Variants in MYO7A observed in about 807,000 individuals in gnomAD.
The protein encoded by MYO7A is unconventional myosin-VIIa.
A neutral mutation model predicts 263.8 loss-of-function variants in MYO7A; 210 were observed. The ratio of observed to expected loss-of-function variants is 0.80; its 90% CI spans 0.71 to 0.89. MYO7A has a LOEUF of 0.89. Among genes scored for constraint, MYO7A ranks in the 40% least tolerant of loss-of-function variants. MYO7A has a pLI of 0.00. For missense variants in MYO7A, 2,820 were observed against 2,968.3 expected, an observed-to-expected ratio of 0.95 and a Z score of 1.16; for synonymous variants, 1,239 against 1,197.3, an observed-to-expected ratio of 1.03 and a Z score of -0.72.
chr11:77,156,519 C>T, intron 5 of MYO7A, 141 bp from the exon 6 acceptor site: 1 of 1,236,286 alleles, frequency 8.1e-7, no homozygotes, highest in Non-Finnish European at 1.1e-6. Context: ...CCCTTGAGCC[C>T]TGCCCCAGCC....
chr11:77,161,015 A>G lies in MYO7A; in HGVS notation c.1243A>G (p.Asn415Asp). The G allele has an allele frequency of 6.2e-7, 1 of 1,613,084 alleles. No homozygotes were observed. Among genetic ancestry groups the G allele is most frequent in the Non-Finnish European group, 8.5e-7 (1 of 1,179,610 alleles). ...GTTCGTGTGGATTGTGGACAAGATCAACGCAGCAATTTACAAGCCTCCCTC... is the reference window on the plus strand; with the variant it reads ...GTTCGTGTGGATTGTGGACAAGATCGACGCAGCAATTTACAAGCCTCCCTC... ...RLFVWIVDKI[N>D]AAIYKPPSQD... The change falls in exon 12 of 49, where the codon AAC becomes GAC. Residue 415 changes from asparagine (N) to aspartate (D), a missense_variant. Coordinates refer to ENST00000409709, the MANE Select transcript of MYO7A (RefSeq NM_000260.4).
At chr11:77,179,583 C>T (rs778278268) in intron 20 of MYO7A, among the ~76,000 whole-genome samples, 152 bp from the exon 21 acceptor site, 9 of 152,288 alleles carry the variant, frequency 5.9e-5, no homozygotes, top group East Asian at 3.9e-4. Context: ...AACTTTCTAA[C>T]GATGGGGGGG....
chr11:77,173,555 G>T, intron 16 of MYO7A, among the ~76,000 whole-genome samples: 1 of 152,182 alleles, frequency 6.6e-6, no homozygotes, highest in East Asian at 1.9e-4. Context: ...GAGGTTAAGG[G>T]GCTCAGGCTG....
chr11:77,192,210 G>T lies in MYO7A; in HGVS notation c.4084G>T (p.Val1362Leu). 1 of 1,614,064 alleles carries T rather than the reference G, an allele frequency of 6.2e-7. No homozygotes were observed. The highest frequency in any genetic ancestry group is 8.5e-7 in the Non-Finnish European group (1 of 1,179,908). ...TPWHSPSEDN[V>L]ATNLIYQQVV... ...CTGGCACAGCCCCTCCGAGGACAAC[G>T]TGGCCACCAACCTCATCTACCAGCA... Residue 1362 changes from valine to leucine, a missense_variant, in exon 31 of 49, where the codon GTG (valine) becomes TTG (leucine). Physicochemically the swap from Val to Leu is conservative, Grantham distance 32 (BLOSUM62 1). Coordinates refer to ENST00000409709, the MANE Select transcript of MYO7A (RefSeq NM_000260.4).
intron 33 of MYO7A, 83 bp from the exon 34 acceptor site, chr11:77,198,412 C>T (rs934840051): frequency 9.3e-5 from 144 of 1,549,562 alleles, no homozygotes; most frequent in Middle Eastern, 3.9e-4. Context: ...AGTGTATTGC[C>T]ACCTGCCTGG....
chr11:77,144,196 G>T (rs1290088327), intron 3 of MYO7A, among the ~76,000 whole-genome samples: 2 of 152,174 alleles, frequency 1.3e-5, no homozygotes, highest in African/African-American at 2.4e-5. Flanking sequence ...TGGCCCTTGG[G>T]CCGTAGAACC....
chr11:77,199,564 G>T lies in MYO7A; in HGVS notation c.4598G>T (p.Cys1533Phe), dbSNP rs772023864. ...RECRVWLSLG[C>F]SDLGCAAPHS... Reference sequence around the variant, plus strand: ...TGCCGTGTCTGGCTCTCACTGGGCTGCTCTGATCTTGGCTGTGCTGCGCCT... The same window carrying T: ...TGCCGTGTCTGGCTCTCACTGGGCTTCTCTGATCTTGGCTGTGCTGCGCCT... The change falls in exon 35 of 49, where the codon TGC becomes TTC. Residue 1533 changes from cysteine (C) to phenylalanine (F), a missense_variant. By Grantham distance (205) the Cys-to-Phe change is radical (BLOSUM62 -2). Coordinates refer to ENST00000409709, the MANE Select transcript of MYO7A (RefSeq NM_000260.4). 6.5e-7 allele frequency: 1 copy of T among 1,537,052 alleles called. No homozygotes were observed. The highest frequency in any genetic ancestry group is 1.4e-5 in the African/African-American group (1 of 73,426).
intron 15 of MYO7A, among the ~76,000 whole-genome samples, chr11:77,170,669 T>A (rs1954006654): frequency 6.6e-6 from 1 of 151,926 alleles, no homozygotes; most frequent in East Asian, 1.9e-4. Context: ...CAGGTGTGGC[T>A]CTCGGCTGTC....
At chr11:77,158,055 C>A (rs1011813816) in intron 8 of MYO7A, among the ~76,000 whole-genome samples, 1 of 152,168 alleles carries the variant, frequency 6.6e-6, no homozygotes, top group African/African-American at 2.4e-5. Flanking sequence ...GGCACCAGCA[C>A]CCCCAGATGT....
chr11:77,179,044 G>A lies in MYO7A; in HGVS notation c.2283-1G>A, dbSNP rs397516295. ...CACCCGCGCCACTACTGCTGTTTCA[G>A]GTCTAACTTTCTGAAGCTGAAGAAC... On this transcript the variant is annotated splice_acceptor_variant, in intron 19 of 48. Transcript: ENST00000409709. LOFTEE classifies it high-confidence loss of function. The A allele has an allele frequency of 1.9e-6, 3 of 1,602,610 alleles. No homozygotes were observed. Among genetic ancestry groups the A allele is most frequent in the Non-Finnish European group, 2.6e-6 (3 of 1,175,264 alleles).
chr11:77,189,526 A>G, intron 28 of MYO7A, 56 bp downstream of exon 28: 1 of 1,605,374 alleles, frequency 6.2e-7, no homozygotes, highest in South Asian at 1.1e-5. Context: ...CTGTCCCAGC[A>G]CTGTGGGGAG....
At chr11:77,130,393 G>A (rs1014557625) in intron 1 of MYO7A, among the ~76,000 whole-genome samples, 196 bp from the exon 2 acceptor site, 22 of 152,202 alleles carry the variant, frequency 1.4e-4, no homozygotes, top group Admixed American at 1.4e-3. Flanking sequence ...CAGCTGCTCT[G>A]GGCAGTGGTG....
At chr11:77,159,901 A>G (rs1210457538) in intron 10 of MYO7A, among the ~76,000 whole-genome samples, 1 of 152,266 alleles carries the variant, frequency 6.6e-6, no homozygotes, top group Non-Finnish European at 1.5e-5. Context: ...GAATAAAGCC[A>G]GAGTCAGGGC....
At chr11:77,175,993 A>T (rs1954623285) in intron 18 of MYO7A, among the ~76,000 whole-genome samples, 2 of 152,178 alleles carry the variant, frequency 1.3e-5, no homozygotes, top group Admixed American at 1.3e-4. Context: ...GGAGTCGCGG[A>T]GTCACAGCCT....
intron 1 of MYO7A, among the ~76,000 whole-genome samples, chr11:77,130,145 C>T (rs1015021352): frequency 1.3e-5 from 2 of 152,228 alleles, no homozygotes; most frequent in Non-Finnish European, 2.9e-5. Flanking sequence ...TCATGCCCAG[C>T]CCTTGACCTT....
Position 77,155,931 on chromosome 11 carries a change from G to A in MYO7A, c.310G>A (p.Ala104Thr), listed in dbSNP as rs374967010. ...IYTYTGSILV[A>T]VNPYQLLSIY... ...GACGTATACGGGCTCCATCCTGGTG[G>A]CTGTGAACCCCTACCAGCTGCTCTC... The change falls in exon 5 of 49, where the codon GCT (alanine) becomes ACT (threonine). Residue 104 changes from alanine to threonine, a missense_variant. By Grantham distance (58) the Ala-to-Thr change is moderately conservative (BLOSUM62 0). Coordinates refer to ENST00000409709, the MANE Select transcript of MYO7A (RefSeq NM_000260.4). The A allele has an allele frequency of 5.6e-6, 9 of 1,608,694 alleles. No individual in the cohort carries two copies. In the East Asian group the frequency reaches 1.3e-4, roughly 24 times the overall value.
chr11:77,159,408 C>G, intron 9 of MYO7A, 39 bp from the exon 10 acceptor site: 1 of 1,058,128 alleles, frequency 9.5e-7, no homozygotes, highest in Non-Finnish European at 1.5e-6. Context: ...CTGTTGCCCA[C>G]CCTCCCTCCC....
In MYO7A at chr11:77,198,612, C is replaced by T; in HGVS notation, c.4559C>T (p.Ser1520Phe). 6.2e-7 allele frequency: 1 copy of T among 1,613,802 alleles called. No individual in the cohort carries two copies. Among genetic ancestry groups the T allele is most frequent in the South Asian group, 1.1e-5 (1 of 91,056 alleles). Residue 1520 changes from serine (S) to phenylalanine (F), a missense_variant, in exon 34 of 49, where the codon TCC becomes TTC. Physicochemically the swap from Ser to Phe is radical, Grantham distance 155 (BLOSUM62 -2). Coordinates refer to ENST00000409709, the MANE Select transcript of MYO7A (RefSeq NM_000260.4). ...ELSFPEIMAV[S>F]SSRECRVWLS... Reference sequence around the variant, plus strand: ...TCCTTCCCAGAGATCATGGCCGTGTCCAGCAGCAGGTGAGGAGGCCCGCAT... The same window carrying T: ...TCCTTCCCAGAGATCATGGCCGTGTTCAGCAGCAGGTGAGGAGGCCCGCAT...
intron 17 of MYO7A, 146 bp from the exon 18 acceptor site, chr11:77,175,226 C>CA: frequency 1.4e-6 from 1 of 740,032 alleles, no homozygotes; most frequent in Non-Finnish European, 2.2e-6. Flanking sequence ...AACTGGGGCT[C>CA]AGAGAAGGCA....
Sources: allele counts gnomAD v4.1 joint callset (sites outside exome capture counted in the v4.1 genomes callset), GRCh38; gene constraint gnomAD v4.1.1; transcripts MANE v1.5; gene names NCBI Gene and HGNC (gene_info 2026-07-23, HGNC 2026-07-21).